ANGPTL8: variants seen among roughly 807,000 people sequenced by gnomAD.
ANGPTL8 encodes angiopoietin like 8.
In ANGPTL8, 24 loss-of-function variants were observed where a neutral mutation model predicts 22.6. The ratio of observed to expected loss-of-function variants is 1.06; its 90% CI spans 0.77 to 1.49. The LOEUF is 1.49. Ranked by LOEUF, ANGPTL8 falls within the 40% of genes most tolerant of loss-of-function variation. The pLI is 0.00. For synonymous variants in ANGPTL8, 88 were observed against 113.4 expected, an observed-to-expected ratio of 0.78 and a Z score of 1.42; for missense variants, 230 against 259.6, an observed-to-expected ratio of 0.89 and a Z score of 0.78.
At chr19:11,240,002 C>T in intron 1 of ANGPTL8, 68 bp downstream of exon 1, 1 of 1,549,756 alleles carries the variant, frequency 6.5e-7, no homozygotes. Context: ...TCTAGGGTAA[C>T]CAACCATCCT....
intron 2 of ANGPTL8, among the ~76,000 whole-genome samples, chr19:11,240,752 T>C (rs1233343926): frequency 1.3e-5 from 2 of 151,836 alleles, no homozygotes; most frequent in Non-Finnish European, 1.5e-5. Context: ...TATTTTTTAG[T>C]AGAGATGGGA....
chr19:11,239,763 C>A lies in ANGPTL8; in HGVS notation c.126C>A (p.Thr42=), dbSNP rs549677886. The A allele has an allele frequency of 3.1e-6, 5 of 1,611,926 alleles. No individual in the cohort carries two copies. Among genetic ancestry groups the A allele is most frequent in the African/African-American group, 1.3e-5 (1 of 75,018 alleles). ...HEELTLLFHG[T]LQLGQALNGV... ...AGCTGACCCTGCTCTTCCATGGGAC[C>A]CTGCAGCTGGGCCAGGCCCTCAACG... is the stretch of plus-strand genomic sequence containing the variant. The change falls in exon 1 of 4, where the codon ACC becomes ACA. Residue 42 remains threonine, a synonymous_variant. Transcript: ENST00000252453.
chr19:11,239,699 C>A lies in ANGPTL8; in HGVS notation c.62C>A (p.Ala21Glu), dbSNP rs368909299. 5.6e-6 allele frequency: 9 copies of A among 1,613,514 alleles called. No homozygotes were observed. The highest frequency in any genetic ancestry group is 2.7e-5 in the African/African-American group (2 of 74,918). The change falls in exon 1 of 4, where the codon GCG (alanine) becomes GAG (glutamate). Residue 21 changes from alanine to glutamate, a missense_variant. Ala to Glu is a moderately radical substitution (Grantham distance 107). Transcript: ENST00000252453. The part of the protein sequence containing the change: ...ALAMVTRPAS[A>E]APMGGPELAQ... The stretch of plus-strand genomic sequence containing the variant: ...GCAATGGTGACCCGGCCTGCCTCAG[C>A]GGCCCCCATGGGCGGCCCAGAACTG...
Position 11,241,942 on chromosome 19 carries a change from C to T in ANGPTL8, c.*255C>T. 5 of 1,427,982 alleles carry T rather than the reference C, an allele frequency of 3.5e-6. No individual in the cohort carries two copies. The highest frequency in any genetic ancestry group is 4.7e-6 in the Non-Finnish European group (5 of 1,061,436). The allele number at this position is 1,427,982 out of a possible 1,614,324, so 88.5% of individuals were successfully genotyped here. ...TCATTAAAGCAGAGTCGTGGCATCTCACCCAGGGTGTCTGTGTGTGTCCTT... is the reference window on the plus strand; with the variant it reads ...TCATTAAAGCAGAGTCGTGGCATCTTACCCAGGGTGTCTGTGTGTGTCCTT... On this transcript the variant is annotated 3_prime_UTR_variant, in exon 4 of 4. Coordinates refer to ENST00000252453, the MANE Select transcript of ANGPTL8 (RefSeq NM_018687.7).
At chr19:11,241,593 T>TG (rs1227186497) in intron 3 of ANGPTL8, 39 bp downstream of exon 3, 17 of 1,556,136 alleles carry the variant, frequency 1.1e-5, no homozygotes, top group African/African-American at 1.4e-5. Flanking sequence ...GGCAGTTGGA[T>TG]GGGGGGCGCA....
intron 2 of ANGPTL8, 115 bp downstream of exon 2, chr19:11,240,411 A>G: frequency 9.4e-7 from 1 of 1,068,988 alleles, no homozygotes; most frequent in Non-Finnish European, 1.3e-6. Flanking sequence ...TGTGGCCTCT[A>G]CCCTGCATGT....
chr19:11,240,528 A>G lies in ANGPTL8; in HGVS notation c.459+232A>G, dbSNP rs192759639. 9.2e-5 allele frequency among the ~76,000 whole-genome samples: 14 copies of G among 152,028 alleles called. No homozygotes were observed. In the East Asian group the frequency reaches 2.7e-3, roughly 29 times the overall value. On this transcript the variant is annotated intron_variant, in intron 2 of 3. Coordinates refer to ENST00000252453, the MANE Select transcript of ANGPTL8 (RefSeq NM_018687.7). ...ATCTCACAGTAGGGCCAGGTACTCA[A>G]TGCAGGTAAAATATTCAGCATGGGG...
Position 11,239,824 on chromosome 19 carries a change from G to A in ANGPTL8, c.187G>A (p.Ala63Thr), listed in dbSNP as rs1486212436. 16 of 1,603,498 alleles carry A rather than the reference G, an allele frequency of 1.0e-5. No individual in the cohort carries two copies. Among genetic ancestry groups the A allele is most frequent in the Non-Finnish European group, 1.4e-5 (16 of 1,175,456 alleles). ...YRTTEGRLTK[A>T]RNSLGLYGRT... The stretch of plus-strand genomic sequence containing the variant: ...GACCACGGAGGGACGGCTGACAAAG[G>A]CCAGGAACAGCCTGGGTCTCTATGG... Residue 63 changes from alanine to threonine, a missense_variant, in exon 1 of 4, where the codon GCC becomes ACC. Transcript: ENST00000252453.
chr19:11,241,594 G>T lies in ANGPTL8; in HGVS notation c.569+40G>T, dbSNP rs1308362687. On this transcript the variant is annotated intron_variant, in intron 3 of 3. Transcript: ENST00000252453. The stretch of plus-strand genomic sequence containing the variant: ...GGTTTGGCAGGCAGGGCAGTTGGAT[G>T]GGGGGCGCACAGGGCAGCTGGAAAG... 1.9e-6 allele frequency: 3 copies of T among 1,556,090 alleles called. No individual in the cohort carries two copies. The East Asian group carries it at 7.3e-5, about 38-fold the overall frequency.
Position 11,241,656 on chromosome 19 carries a change from C to A in ANGPTL8, c.570-4C>A. The stretch of plus-strand genomic sequence containing the variant: ...CCTGGGCTGAGCCACATCTCCCTCC[C>A]CAGACTCCACACAGCGGCGCTCCCA... On this transcript the variant is annotated splice_polypyrimidine_tract_variant and splice_region_variant and intron_variant, in intron 3 of 3. Transcript: ENST00000252453. 6.3e-7 allele frequency: 1 copy of A among 1,577,314 alleles called. No individual in the cohort carries two copies. Among genetic ancestry groups the A allele is most frequent in the East Asian group, 2.4e-5 (1 of 42,436 alleles).
rs1174067854 is a variant in ANGPTL8, at chr19:11,241,700, G to A, written c.*13G>A. 6.3e-7 allele frequency: 1 copy of A among 1,580,554 alleles called. No individual in the cohort carries two copies. Among genetic ancestry groups the A allele is most frequent in the South Asian group, 1.2e-5 (1 of 85,902 alleles). ...GCTCCCAGCCTGAATCTGCCTGGATGGAACTGAGGACCAATCATGCTGCAA... is the reference window on the plus strand; with the variant it reads ...GCTCCCAGCCTGAATCTGCCTGGATAGAACTGAGGACCAATCATGCTGCAA... On this transcript the variant is annotated 3_prime_UTR_variant, in exon 4 of 4. Transcript: ENST00000252453.
At position 11,239,847 on chromosome 19, in the gene ANGPTL8, T is replaced by C. The variant is rs761644691; in HGVS notation, c.210T>C (p.Tyr70=). The C allele has an allele frequency of 6.2e-7, 1 of 1,600,654 alleles. No homozygotes were observed. The highest frequency in any genetic ancestry group is 1.7e-5 in the Admixed American group (1 of 57,186). ...LTKARNSLGL[Y]GRTIELLGQE... The stretch of plus-strand genomic sequence containing the variant: ...AGGCCAGGAACAGCCTGGGTCTCTA[T>C]GGCCGCACAATAGAACTCCTGGGGC... The change falls in exon 1 of 4, where the codon TAT becomes TAC. Residue 70 remains tyrosine, a synonymous_variant. Transcript: ENST00000252453.
intron 2 of ANGPTL8, among the ~76,000 whole-genome samples, chr19:11,240,872 T>C (rs978994895): frequency 2.0e-5 from 3 of 151,268 alleles, no homozygotes; most frequent in African/African-American, 7.3e-5. Flanking sequence ...ACCTGGCCAA[T>C]AAATTCTTAC....
At position 11,239,622 on chromosome 19, in the gene ANGPTL8, C is replaced by A; in HGVS notation, c.-16C>A. 6.2e-7 allele frequency: 1 copy of A among 1,613,608 alleles called. No homozygotes were observed. Among genetic ancestry groups the A allele is most frequent in the Non-Finnish European group, 8.5e-7 (1 of 1,179,838 alleles). On this transcript the variant is annotated 5_prime_UTR_variant, in exon 1 of 4. Transcript: ENST00000252453. ...CTTCAGTGACAGTGCTGTGGCTATA[C>A]CTTAGACCCTCAGTCATGCCAGTGC... is the stretch of plus-strand genomic sequence containing the variant.
chr19:11,239,624 T>C lies in ANGPTL8; in HGVS notation c.-14T>C, dbSNP rs1395964815. 2 of 1,613,664 alleles carry C rather than the reference T, an allele frequency of 1.2e-6. No homozygotes were observed. Among genetic ancestry groups the C allele is most frequent in the Non-Finnish European group, 1.7e-6 (2 of 1,179,834 alleles). ...TCAGTGACAGTGCTGTGGCTATACCTTAGACCCTCAGTCATGCCAGTGCCT... is the reference window on the plus strand; with the variant it reads ...TCAGTGACAGTGCTGTGGCTATACCCTAGACCCTCAGTCATGCCAGTGCCT... On this transcript the variant is annotated 5_prime_UTR_variant, in exon 1 of 4. Transcript: ENST00000252453.
In ANGPTL8 at chr19:11,241,839, G is replaced by A. The variant is rs774142459; in HGVS notation, c.*152G>A. The A allele has an allele frequency of 1.0e-5, 14 of 1,375,902 alleles. No individual in the cohort carries two copies. The highest frequency in any genetic ancestry group is 1.3e-5 in the South Asian group (1 of 78,956). 85.2% of individuals were successfully genotyped at this position (1,375,902 alleles called of 1,614,324 possible). A position where few individuals can be genotyped will look rare whatever the true frequency, so the allele number is the denominator to read the frequency against. On this transcript the variant is annotated 3_prime_UTR_variant, in exon 4 of 4. Transcript: ENST00000252453. ...GCACAGAGCAGAGACAGACGCAGGC[G>A]GGGACAAAGGCAGAGGATGTAGCCC...
Position 11,239,850 on chromosome 19 carries a change from C to T in ANGPTL8, c.213C>T (p.Gly71=). ...CCAGGAACAGCCTGGGTCTCTATGG[C>T]CGCACAATAGAACTCCTGGGGCAGG... The part of the protein sequence containing the change: ...TKARNSLGLY[G]RTIELLGQEV... Residue 71 remains glycine, a synonymous_variant, in exon 1 of 4, where the codon GGC becomes GGT. Coordinates refer to ENST00000252453, the MANE Select transcript of ANGPTL8 (RefSeq NM_018687.7). 1 of 1,599,930 alleles carries T rather than the reference C, an allele frequency of 6.3e-7. No individual in the cohort carries two copies. Among genetic ancestry groups the T allele is most frequent in the Non-Finnish European group, 8.5e-7 (1 of 1,173,650 alleles).
At position 11,241,918 on chromosome 19, in the gene ANGPTL8, C is replaced by T. The variant is rs1028727394; in HGVS notation, c.*231C>T. On this transcript the variant is annotated 3_prime_UTR_variant, in exon 4 of 4. Coordinates refer to ENST00000252453, the MANE Select transcript of ANGPTL8 (RefSeq NM_018687.7). ...TACCCTTTCATGCCTACACACCCCT[C>T]ATTAAAGCAGAGTCGTGGCATCTCA... 2.0e-5 allele frequency: 26 copies of T among 1,332,696 alleles called. No individual in the cohort carries two copies. The highest frequency in any genetic ancestry group is 2.6e-4 in the Middle Eastern group (1 of 3,802). 82.6% of individuals were successfully genotyped at this position (1,332,696 alleles called of 1,614,324 possible). A position where few individuals can be genotyped will look rare whatever the true frequency, so the allele number is the denominator to read the frequency against.
intron 2 of ANGPTL8, 139 bp downstream of exon 2, chr19:11,240,435 T>C: frequency 1.1e-6 from 1 of 878,066 alleles, no homozygotes. Context: ...CAGACAAAAC[T>C]CAAGTCCTTT....
Sources: allele counts gnomAD v4.1 joint callset (sites outside exome capture counted in the v4.1 genomes callset), GRCh38; gene constraint gnomAD v4.1.1; transcripts MANE v1.5; gene names NCBI Gene and HGNC (gene_info 2026-07-23, HGNC 2026-07-21).